HDAC8: variants seen among roughly 807,000 people sequenced by gnomAD.
The protein encoded by HDAC8 is histone deacetylase 8, also known as histone deacetylase-like 1.
A neutral mutation model predicts 32.2 loss-of-function variants in HDAC8; 1 was observed. The ratio of observed to expected loss-of-function variants is 0.03; its 90% confidence interval spans 0.01 to 0.15. The LOEUF is 0.15. Among genes scored for constraint, HDAC8 ranks in the 10% least tolerant of loss-of-function variants. The probability of loss-of-function intolerance (pLI) is 1.00; values close to 1 mark genes in which losing one functional copy is unlikely to be tolerated. For missense variants in HDAC8, 117 were observed against 300.0 expected (o/e 0.39, Z 4.51); for synonymous variants, 108 against 113.9 (o/e 0.95, Z 0.33).
At chrX:72,559,415 C>G (rs782638790) in intron 4 of HDAC8, among the ~76,000 whole-genome samples, 1 of 110,614 alleles carries the variant, frequency 9.0e-6, no homozygotes, top group Non-Finnish European at 1.9e-5. Context: ...GATCTCTGCT[C>G]GCTACAACCT....
At chrX:72,331,484 G>T (rs2043522099) in intron 10 of HDAC8, among the ~76,000 whole-genome samples, 1 of 111,492 alleles carries the variant, frequency 9.0e-6, no homozygotes, top group South Asian at 3.7e-4. Flanking sequence ...CAAACAGTCT[G>T]TAACCTTTTA....
chrX:72,348,060 A>G (rs1462057514), intron 10 of HDAC8, among the ~76,000 whole-genome samples: 1 of 112,226 alleles, frequency 8.9e-6, no homozygotes, highest in African/African-American at 3.2e-5. Context: ...TGTAAGATGA[A>G]TCTTCTCAGG....
At chrX:72,395,773 C>A (rs782033777) in intron 9 of HDAC8, among the ~76,000 whole-genome samples, 2 of 111,946 alleles carry the variant, frequency 1.8e-5, no homozygotes, top group South Asian at 7.5e-4. Context: ...ATTCTCAAGG[C>A]TAATTGTGTG....
At chrX:72,531,605 C>A (rs1443626876) in intron 4 of HDAC8, among the ~76,000 whole-genome samples, 7 of 111,765 alleles carry the variant, frequency 6.3e-5, no homozygotes, top group African/African-American at 2.3e-4. Flanking sequence ...CATGCATTAA[C>A]AATAACTACT....
intron 9 of HDAC8, among the ~76,000 whole-genome samples, chrX:72,388,013 T>C (rs1398857010): frequency 1.8e-5 from 2 of 109,784 alleles, no homozygotes; most frequent in African/African-American, 3.3e-5. Flanking sequence ...GAAGGAAGAG[T>C]AGGACTTCAT....
chrX:72,565,479 T>C (rs1556131521), intron 4 of HDAC8, among the ~76,000 whole-genome samples: 1 of 111,859 alleles, frequency 8.9e-6, no homozygotes. Flanking sequence ...GAAAGATGTC[T>C]ACAACAGTTA....
intron 4 of HDAC8, among the ~76,000 whole-genome samples, chrX:72,534,617 T>C (rs1569380313): frequency 9.0e-6 from 1 of 111,681 alleles, no homozygotes; most frequent in Non-Finnish European, 1.9e-5. Context: ...CCCCTAGCAA[T>C]AAATTTAGCA....
At chrX:72,458,200 T>C (rs1018813772) in intron 9 of HDAC8, among the ~76,000 whole-genome samples, 4 of 112,567 alleles carry the variant, frequency 3.6e-5, no homozygotes, top group Non-Finnish European at 7.5e-5. Context: ...ACATACAAGC[T>C]CCATTCTTCT....
chrX:72,338,305 G>C (rs1306962754), intron 10 of HDAC8, among the ~76,000 whole-genome samples: 2 of 111,057 alleles, frequency 1.8e-5, no homozygotes, highest in Non-Finnish European at 3.8e-5. Flanking sequence ...TAGACTACAG[G>C]GCAGTTGATC....
chrX:72,474,268 T>A, intron 7 of HDAC8: 2 of 729,620 alleles, frequency 2.7e-6, no homozygotes, highest in Non-Finnish European at 3.2e-6. Flanking sequence ...TTTATTTAAA[T>A]GTGTGTGAAT....
chrX:72,440,526 A>G (rs968637399), intron 9 of HDAC8, among the ~76,000 whole-genome samples: 6 of 112,356 alleles, frequency 5.3e-5, no homozygotes, highest in Non-Finnish European at 1.1e-4. Context: ...AAAAAAAATC[A>G]ATGAATCCAT....
intron 4 of HDAC8, among the ~76,000 whole-genome samples, chrX:72,539,487 G>T (rs1047509014): frequency 6.4e-5 from 7 of 108,701 alleles, no homozygotes; most frequent in African/African-American, 2.4e-4. Context: ...TGATCCACCC[G>T]CCTCGGCCTC....
rs1317884351 is a variant in HDAC8 at position 72,555,226 on chromosome X, C to A, written c.437+12663G>T. 2.7e-5 allele frequency among the ~76,000 whole-genome samples: 3 copies of A among 112,024 alleles called. No homozygotes were observed. The Admixed American group carries it at 2.8e-4, about 11-fold the overall frequency. Reference sequence around the variant, plus strand: ...AGAACAACACATCAAAGGAGCACCCCGTGGGACAAAAGAGTCTGAACAGCA... The same window carrying A: ...AGAACAACACATCAAAGGAGCACCCAGTGGGACAAAAGAGTCTGAACAGCA... On this transcript the variant is annotated intron_variant, in intron 4 of 10. Coordinates refer to ENST00000373573, the MANE Select transcript of HDAC8 (RefSeq NM_018486.3).
chrX:72,336,224 T>C (rs2043680907), intron 10 of HDAC8, among the ~76,000 whole-genome samples: 1 of 112,297 alleles, frequency 8.9e-6, no homozygotes, highest in African/African-American at 3.2e-5. Context: ...GCCATTCTAA[T>C]AGATATGTAA....
At chrX:72,336,352 C>CA (rs1480524360) in intron 10 of HDAC8, among the ~76,000 whole-genome samples, 1 of 112,133 alleles carries the variant, frequency 8.9e-6, no homozygotes, top group African/African-American at 3.2e-5. Context: ...ATAATGCATT[C>CA]AGTACACTCC....
At chrX:72,375,208 G>A (rs1217177925) in intron 9 of HDAC8, among the ~76,000 whole-genome samples, 2 of 112,228 alleles carry the variant, frequency 1.8e-5, no homozygotes, top group African/African-American at 6.5e-5. Flanking sequence ...GTTCTCCAGA[G>A]AAAGAGAACA....
At chrX:72,442,169 C>G (rs1315450416) in intron 9 of HDAC8, among the ~76,000 whole-genome samples, 6 of 110,474 alleles carry the variant, frequency 5.4e-5, no homozygotes, top group Non-Finnish European at 9.5e-5. Flanking sequence ...CATTCAGATT[C>G]AGGAAATACA....
chrX:72,562,760 G>A (rs1189408616), intron 4 of HDAC8, among the ~76,000 whole-genome samples: 2 of 110,511 alleles, frequency 1.8e-5, no homozygotes, highest in Non-Finnish European at 3.8e-5. Flanking sequence ...AAATAATTCT[G>A]CCACTATATT....
intron 9 of HDAC8, among the ~76,000 whole-genome samples, chrX:72,374,218 T>TA (rs1484361287): frequency 9.0e-6 from 1 of 111,289 alleles, no homozygotes. Context: ...CCTAATTTTT[T>TA]AAAAAAGTTT....
Sources: gnomAD v4.1 joint callset for allele counts (sites outside exome capture counted in the v4.1 genomes callset) on GRCh38, gnomAD v4.1.1 for gene constraint, MANE v1.5 for transcripts, NCBI Gene and HGNC (gene_info 2026-07-23, HGNC 2026-07-21) for gene names.